Variants in MEIS2 observed in about 807,000 individuals in gnomAD.
The protein encoded by MEIS2 is homeobox protein Meis2.
In MEIS2, 9 loss-of-function variants were observed where a neutral mutation model predicts 58.6. That is an observed-to-expected ratio of 0.15 (90% CI 0.09 to 0.27). The LOEUF is 0.27. Among genes scored for constraint, MEIS2 ranks in the 10% least tolerant of loss-of-function variants. The pLI is 1.00. For synonymous variants in MEIS2, 221 were observed against 228.4 expected (o/e 0.97, Z 0.29); for missense variants, 427 against 635.0 (o/e 0.67, Z 3.52).
chr15:36,920,192 C>T (rs1407997468), intron 9 of MEIS2, among the ~76,000 whole-genome samples: 1 of 151,848 alleles, frequency 6.6e-6, no homozygotes, highest in Non-Finnish European at 1.5e-5. Context: ...TCTTGTTGCC[C>T]AGGCTGGAGT....
chr15:37,015,310 T>C (rs890699485), intron 8 of MEIS2, among the ~76,000 whole-genome samples: 2 of 152,236 alleles, frequency 1.3e-5, no homozygotes, highest in African/African-American at 2.4e-5. Flanking sequence ...GCAGTGATTA[T>C]GCGGGTTGCT....
intron 8 of MEIS2, among the ~76,000 whole-genome samples, chr15:37,034,626 T>A (rs539639608): frequency 6.0e-4 from 91 of 152,240 alleles, no homozygotes; most frequent in African/African-American, 2.1e-3. Flanking sequence ...AGATAAGGTA[T>A]TAAGGGCTCC....
In MEIS2 at chr15:36,889,527, A is replaced by G. The variant is rs2055782926; in HGVS notation, c.*2646T>C. 6.6e-6 allele frequency: 1 copy of G among 152,220 alleles called. No homozygotes were observed. Among genetic ancestry groups the G allele is most frequent in the African/African-American group, 2.4e-5 (1 of 41,468 alleles). The allele number at this position is 152,220 out of a possible 1,614,324, so 9.4% of individuals were successfully genotyped here. On this transcript the variant is annotated 3_prime_UTR_variant, in exon 12 of 12. Transcript: ENST00000561208. ...CAAATATTTAAGAAGGTTAAAGTTA[A>G]CATGATAGGACGTGGGTTTGACGAA...
At chr15:37,095,754 T>C in intron 3 of MEIS2, 140 bp from the exon 4 acceptor site, 2 of 1,225,354 alleles carry the variant, frequency 1.6e-6, no homozygotes, top group Non-Finnish European at 2.3e-6. Context: ...AACTGGTGCC[T>C]TAAATTAGTG....
At chr15:37,098,741 T>C (rs1894713343) in intron 1 of MEIS2, among the ~76,000 whole-genome samples, 1 of 151,712 alleles carries the variant, frequency 6.6e-6, no homozygotes, top group African/African-American at 2.4e-5. Flanking sequence ...CTTCGCCTCC[T>C]CTGAGGATCC....
At chr15:36,910,045 C>A (rs992065705) in intron 9 of MEIS2, among the ~76,000 whole-genome samples, 6 of 151,758 alleles carry the variant, frequency 4.0e-5, no homozygotes, top group Admixed American at 6.6e-5. Flanking sequence ...TCTACGAAAA[C>A]CTTAAGAAAT....
chr15:37,055,541 C>T (rs988542432), intron 7 of MEIS2, among the ~76,000 whole-genome samples: 12 of 152,140 alleles, frequency 7.9e-5, no homozygotes, highest in African/African-American at 2.9e-4. Flanking sequence ...ACAGCCACCA[C>T]CACCTTCAAC....
rs189855240 is a variant in MEIS2 at position 37,009,152 on chromosome 15, G to A, written c.900+27662C>T. ...AAAATACAAAAAATTAACCAGGCGTGGTGGCGGGCGCCTATAGTCCCAGCT... is the reference window on the plus strand; with the variant it reads ...AAAATACAAAAAATTAACCAGGCGTAGTGGCGGGCGCCTATAGTCCCAGCT... On this transcript the variant is annotated intron_variant, in intron 8 of 11. Coordinates refer to ENST00000561208, the MANE Select transcript of MEIS2 (RefSeq NM_170675.5). 5.2e-3 allele frequency among the ~76,000 whole-genome samples: 790 copies of A among 152,246 alleles called. 5 individuals carry two copies. Among genetic ancestry groups the A allele is most frequent in the African/African-American group, 0.018 (729 of 41,544 alleles).
chr15:37,062,045 G>A (rs1030485270), intron 7 of MEIS2, among the ~76,000 whole-genome samples: 1 of 152,212 alleles, frequency 6.6e-6, no homozygotes, highest in Non-Finnish European at 1.5e-5. Flanking sequence ...TCAGTCATCA[G>A]CTCAGAAGCC....
At chr15:37,080,078 T>G (rs747214844) in intron 7 of MEIS2, among the ~76,000 whole-genome samples, 2 of 152,160 alleles carry the variant, frequency 1.3e-5, no homozygotes, top group Non-Finnish European at 2.9e-5. Flanking sequence ...AGCAAAGATG[T>G]CAACATCAAT....
At chr15:37,018,020 T>C (rs1248537973) in intron 8 of MEIS2, among the ~76,000 whole-genome samples, 4 of 152,162 alleles carry the variant, frequency 2.6e-5, no homozygotes, top group Non-Finnish European at 4.4e-5. Flanking sequence ...CCCATCATTA[T>C]CTCCTTTGTC....
chr15:36,985,290 GAT>G (rs2060058320), intron 8 of MEIS2, among the ~76,000 whole-genome samples: 2 of 152,042 alleles, frequency 1.3e-5, no homozygotes, highest in Admixed American at 6.6e-5. Flanking sequence ...TTTTCTACAG[GAT>G]CAGTTCTGTT....
chr15:36,996,001 A>ATATATATATATGTGTG (rs1555446465), intron 8 of MEIS2, among the ~76,000 whole-genome samples: 1 of 102,882 alleles, frequency 9.7e-6, no homozygotes, highest in African/African-American at 3.3e-5. Flanking sequence ...ATATATATAT[A>ATATATATATATGTGTG]TGTATATATA....
Position 37,094,539 on chromosome 15 carries a change from C to T in MEIS2, c.477G>A (p.Leu159=). ...ATTTCCTGCTTACCTTTTCTAACTC[C>T]AAAAGATGAAACCTTAGTACTTGTA... The part of the protein sequence containing the change: ...QAIQVLRFHL[L]ELEKVHELCD... The change falls in exon 5 of 12, where the codon TTG becomes TTA. Residue 159 remains leucine (L), a synonymous_variant. Transcript: ENST00000561208. 10 of 1,612,954 alleles carry T rather than the reference C, an allele frequency of 6.2e-6. No homozygotes were observed. Among genetic ancestry groups the T allele is most frequent in the Non-Finnish European group, 8.5e-6 (10 of 1,179,542 alleles).
intron 7 of MEIS2, among the ~76,000 whole-genome samples, chr15:37,067,771 A>G (rs368571570): frequency 1.3e-5 from 2 of 152,130 alleles, no homozygotes; most frequent in African/African-American, 4.8e-5. Flanking sequence ...ACAAACAAAC[A>G]AAAAACAGAA....
chr15:37,004,505 T>C (rs1456721890), intron 8 of MEIS2, among the ~76,000 whole-genome samples: 1 of 152,230 alleles, frequency 6.6e-6, no homozygotes, highest in African/African-American at 2.4e-5. Flanking sequence ...ACTCACAGAA[T>C]AATAGAACTG....
At chr15:37,070,423 T>C (rs1267281723) in intron 7 of MEIS2, among the ~76,000 whole-genome samples, 1 of 152,136 alleles carries the variant, frequency 6.6e-6, no homozygotes, top group Non-Finnish European at 1.5e-5. Flanking sequence ...TGAGAAAGAC[T>C]GGCCCCCAGA....
At chr15:37,037,429 G>C (rs142720672) in intron 7 of MEIS2, among the ~76,000 whole-genome samples, 4 of 152,068 alleles carry the variant, frequency 2.6e-5, no homozygotes, top group African/African-American at 9.6e-5. Context: ...GCCCCTCCTA[G>C]AGCTGTCACC....
intron 7 of MEIS2, among the ~76,000 whole-genome samples, chr15:37,062,792 A>T (rs1292218626): frequency 6.6e-6 from 1 of 152,208 alleles, no homozygotes; most frequent in African/African-American, 2.4e-5. Flanking sequence ...TTTGGAATGT[A>T]TTTTTAAAAA....
Sources: gnomAD v4.1 joint callset for allele counts (sites outside exome capture counted in the v4.1 genomes callset) on GRCh38, gnomAD v4.1.1 for gene constraint, MANE v1.5 for transcripts, NCBI Gene and HGNC (gene_info 2026-07-23, HGNC 2026-07-21) for gene names.